The following LRRC4C variants were observed in gnomAD, a reference collection of about 807,000 sequenced individuals.
LRRC4C encodes the protein leucine-rich repeat-containing protein 4C.
Under a neutral mutation model 33.6 loss-of-function variants are expected in LRRC4C, and 5 were observed. The observed-to-expected ratio is 0.15, with a 90% CI of 0.08 to 0.31. The LOEUF (loss-of-function observed/expected upper bound fraction) is 0.31. Ranked by LOEUF, LRRC4C falls within the 10% of genes least tolerant of loss-of-function variation. The probability of loss-of-function intolerance (pLI) is 1.00; values close to 1 mark genes in which losing one functional copy is unlikely to be tolerated. For missense variants in LRRC4C, 560 were observed against 796.7 expected, an observed-to-expected ratio of 0.70 and a Z score of 3.58; for synonymous variants, 329 against 302.0, an observed-to-expected ratio of 1.09 and a Z score of -0.93.
At chr11:40,299,647 A>C (rs1280183558) in intron 4 of LRRC4C, among the ~76,000 whole-genome samples, 1 of 152,222 alleles carries the variant, frequency 6.6e-6, no homozygotes, top group Non-Finnish European at 1.5e-5. Context: ...TAAATGAAGA[A>C]CTAGTTATTT....
At chr11:41,055,624 C>T (rs1207328850) in intron 1 of LRRC4C, among the ~76,000 whole-genome samples, 1 of 152,126 alleles carries the variant, frequency 6.6e-6, no homozygotes, top group Non-Finnish European at 1.5e-5. Flanking sequence ...ATCCAGACAG[C>T]TAGTCTCTTA....
chr11:40,518,376 A>G (rs1955660141), intron 3 of LRRC4C, among the ~76,000 whole-genome samples: 1 of 152,328 alleles, frequency 6.6e-6, no homozygotes, highest in African/African-American at 2.4e-5. Flanking sequence ...CAAAAGGCTA[A>G]TACCCAGAAT....
chr11:41,179,614 T>C (rs1049672782), intron 1 of LRRC4C, among the ~76,000 whole-genome samples: 2 of 152,242 alleles, frequency 1.3e-5, no homozygotes, highest in Non-Finnish European at 2.9e-5. Context: ...AGTCTTTGGT[T>C]CACTTAACAT....
intron 1 of LRRC4C, among the ~76,000 whole-genome samples, chr11:41,059,926 G>A (rs1344527964): frequency 6.6e-6 from 1 of 152,126 alleles, no homozygotes; most frequent in Non-Finnish European, 1.5e-5. Flanking sequence ...TCGGGGGTCT[G>A]AGGCATAAGA....
intron 2 of LRRC4C, among the ~76,000 whole-genome samples, chr11:40,875,901 T>G (rs1267292333): frequency 1.3e-5 from 2 of 152,086 alleles, no homozygotes; most frequent in Non-Finnish European, 2.9e-5. Context: ...TGAGCTTGTT[T>G]TCCTGCAACT....
chr11:40,302,733 G>A (rs1944834340), intron 4 of LRRC4C, among the ~76,000 whole-genome samples: 1 of 152,048 alleles, frequency 6.6e-6, no homozygotes, highest in Non-Finnish European at 1.5e-5. Context: ...CTATGACTTA[G>A]CAATGCTTTA....
intron 5 of LRRC4C, among the ~76,000 whole-genome samples, chr11:40,191,101 C>T (rs969576689): frequency 4.6e-5 from 7 of 152,122 alleles, no homozygotes; most frequent in Admixed American, 2.6e-4. Flanking sequence ...CATCAATCAA[C>T]CCAGTATTTA....
At chr11:41,066,627 T>C (rs1460053618) in intron 1 of LRRC4C, among the ~76,000 whole-genome samples, 3 of 151,804 alleles carry the variant, frequency 2.0e-5, no homozygotes, top group Non-Finnish European at 4.4e-5. Context: ...TTCTTCAAGG[T>C]TGAAATGAAG....
At chr11:40,271,239 C>T (rs1942673085) in intron 4 of LRRC4C, among the ~76,000 whole-genome samples, 1 of 152,172 alleles carries the variant, frequency 6.6e-6, no homozygotes, top group African/African-American at 2.4e-5. Context: ...CCCTCAGCCC[C>T]TCCTAAATGA....
intron 3 of LRRC4C, among the ~76,000 whole-genome samples, chr11:40,521,041 G>A (rs1955789674): frequency 6.6e-6 from 1 of 152,070 alleles, no homozygotes; most frequent in Non-Finnish European, 1.5e-5. Flanking sequence ...ATGCAGGAAT[G>A]AGACAACAAA....
intron 3 of LRRC4C, among the ~76,000 whole-genome samples, chr11:40,357,205 G>T (rs1332300737): frequency 2.0e-5 from 3 of 152,094 alleles, no homozygotes; most frequent in Admixed American, 2.0e-4. Context: ...GGGGACTGGG[G>T]AAAATTCATG....
chr11:40,808,280 T>C (rs1044249564), intron 2 of LRRC4C, among the ~76,000 whole-genome samples: 7 of 152,138 alleles, frequency 4.6e-5, no homozygotes, highest in Non-Finnish European at 5.9e-5. Flanking sequence ...TTGATTTTGA[T>C]TGATAATAAA....
intron 5 of LRRC4C, among the ~76,000 whole-genome samples, chr11:40,141,401 A>C (rs1857356781): frequency 1.3e-5 from 2 of 152,280 alleles, no homozygotes; most frequent in African/African-American, 4.8e-5. Context: ...GCACTGACAG[A>C]ATAAAAATCA....
intron 2 of LRRC4C, among the ~76,000 whole-genome samples, chr11:40,657,891 C>T (rs965337944): frequency 7.8e-4 from 118 of 152,224 alleles, no homozygotes; most frequent in African/African-American, 2.4e-3. Flanking sequence ...CACTTAGCTT[C>T]ATGTCCAGTT....
chr11:41,036,785 C>G (rs1462226), intron 1 of LRRC4C, among the ~76,000 whole-genome samples: 1 of 151,930 alleles, frequency 6.6e-6, no homozygotes, highest in Non-Finnish European at 1.5e-5. Context: ...AAGTATCACA[C>G]GTATATATTC....
chr11:41,011,203 G>A (rs1368540044), intron 1 of LRRC4C, among the ~76,000 whole-genome samples: 2 of 151,942 alleles, frequency 1.3e-5, no homozygotes, highest in Admixed American at 6.6e-5. Context: ...TTGTTTTCAT[G>A]ATCATCACCA....
intron 1 of LRRC4C, among the ~76,000 whole-genome samples, chr11:41,044,896 T>C (rs1448142335): frequency 6.6e-6 from 1 of 152,128 alleles, no homozygotes; most frequent in Non-Finnish European, 1.5e-5. Flanking sequence ...CATGGGAGCA[T>C]TGCAGTACCA....
chr11:40,205,533 T>C (rs1330001444), intron 5 of LRRC4C, among the ~76,000 whole-genome samples: 1 of 152,180 alleles, frequency 6.6e-6, no homozygotes, highest in African/African-American at 2.4e-5. Context: ...ATGATGTTCA[T>C]AACATTAGTT....
At chr11:40,526,797 A>G (rs1051440262) in intron 3 of LRRC4C, among the ~76,000 whole-genome samples, 1 of 152,190 alleles carries the variant, frequency 6.6e-6, no homozygotes, top group African/African-American at 2.4e-5. Flanking sequence ...ATTTTCATCA[A>G]CAGTAAAGAG....
Sources: allele counts gnomAD v4.1 joint callset (sites outside exome capture counted in the v4.1 genomes callset), GRCh38; gene constraint gnomAD v4.1.1; transcripts MANE v1.5; gene names NCBI Gene and HGNC (gene_info 2026-07-23, HGNC 2026-07-21).